CNTNAP2: variants seen among roughly 807,000 people sequenced by gnomAD.
CNTNAP2 encodes contactin associated protein 2.
A neutral mutation model predicts 155.2 loss-of-function variants in CNTNAP2; 98 were observed. That is an observed-to-expected ratio of 0.63 (90% CI 0.54 to 0.75). The LOEUF is 0.75. Among genes scored for constraint, CNTNAP2 ranks in the 30% least tolerant of loss-of-function variants. CNTNAP2 has a pLI of 0.00. For missense variants in CNTNAP2, 1,727 were observed against 1,688.1 expected (o/e 1.02, Z -0.40); for synonymous variants, 651 against 631.2 (o/e 1.03, Z -0.47).
intron 8 of CNTNAP2, among the ~76,000 whole-genome samples, chr7:147,162,859 C>A (rs1032739877): frequency 2.0e-5 from 3 of 152,200 alleles, no homozygotes; most frequent in Non-Finnish European, 4.4e-5. Context: ...TCATGTTACA[C>A]ATGCACAGTG....
intron 1 of CNTNAP2, among the ~76,000 whole-genome samples, chr7:146,416,966 C>T (rs899745316): frequency 2.0e-5 from 3 of 152,064 alleles, no homozygotes; most frequent in South Asian, 2.1e-4. Flanking sequence ...TATTATGTGA[C>T]CTTCTATCGC....
intron 1 of CNTNAP2, among the ~76,000 whole-genome samples, chr7:146,524,156 C>T (rs1797655013): frequency 6.6e-6 from 1 of 152,082 alleles, no homozygotes; most frequent in Admixed American, 6.6e-5. Flanking sequence ...CATAGACTCA[C>T]TATGTCGATG....
chr7:146,864,854 C>T lies in CNTNAP2; in HGVS notation c.402+24950C>T, dbSNP rs1231675684. The stretch of plus-strand genomic sequence containing the variant: ...AAACAAAACAGAACCTGCAGGGTGG[C>T]AGGCTCCTGTGGTCCCAGCTCAAGT... On this transcript the variant is annotated intron_variant, in intron 3 of 23. Transcript: ENST00000361727. 3.3e-5 allele frequency among the ~76,000 whole-genome samples: 5 copies of T among 151,458 alleles called. No individual in the cohort carries two copies. In the Admixed American group the frequency reaches 3.3e-4, roughly 10 times the overall value.
In CNTNAP2 at chr7:146,287,768, C is replaced by G. The variant is rs563864089; in HGVS notation, c.97+170795C>G. Among the ~76,000 whole-genome samples the G allele has an allele frequency of 5.3e-5, 8 of 152,216 alleles. No homozygotes were observed. The South Asian group carries it at 1.7e-3, about 32-fold the overall frequency. ...AATTTTCAAGTTTACTAGAATTTTGCTGCTTAAAGTTCCTGTTAATACAAG... is the reference window on the plus strand; with the variant it reads ...AATTTTCAAGTTTACTAGAATTTTGGTGCTTAAAGTTCCTGTTAATACAAG... On this transcript the variant is annotated intron_variant, in intron 1 of 23. Transcript: ENST00000361727.
At chr7:147,733,200 C>A (rs1011374006) in intron 13 of CNTNAP2, among the ~76,000 whole-genome samples, 21 of 152,214 alleles carry the variant, frequency 1.4e-4, no homozygotes, top group South Asian at 4.2e-4. Context: ...ATCTTGAATT[C>A]ATTTTTGTAT....
At chr7:148,251,132 T>C (rs1796356108) in intron 20 of CNTNAP2, among the ~76,000 whole-genome samples, 1 of 152,244 alleles carries the variant, frequency 6.6e-6, no homozygotes. Flanking sequence ...TCCACAAGAC[T>C]GGTCTCACGT....
chr7:146,303,072 A>ATGTGTG (rs60828609), intron 1 of CNTNAP2, among the ~76,000 whole-genome samples: 44 of 136,492 alleles, frequency 3.2e-4, no homozygotes, highest in Admixed American at 7.5e-4. Context: ...CTTTGTGTGC[A>ATGTGTG]TGTGTGTGTG....
intron 9 of CNTNAP2, among the ~76,000 whole-genome samples, chr7:147,344,196 T>C (rs1043998505): frequency 6.6e-6 from 1 of 152,162 alleles, no homozygotes. Flanking sequence ...AGCGCTGATT[T>C]AGAATCATCA....
chr7:146,755,845 C>G (rs1013814851), intron 1 of CNTNAP2, among the ~76,000 whole-genome samples: 2 of 151,958 alleles, frequency 1.3e-5, no homozygotes, highest in South Asian at 4.1e-4. Flanking sequence ...AGAAGAAACT[C>G]TTGTCCTGTG....
At chr7:147,061,371 C>G (rs1381084211) in intron 4 of CNTNAP2, among the ~76,000 whole-genome samples, 1 of 152,132 alleles carries the variant, frequency 6.6e-6, no homozygotes, top group Non-Finnish European at 1.5e-5. Flanking sequence ...AAAATATGTA[C>G]AAGATTTGTA....
chr7:146,426,104 T>C (rs995747890), intron 1 of CNTNAP2, among the ~76,000 whole-genome samples: 2 of 141,748 alleles, frequency 1.4e-5, no homozygotes, highest in African/African-American at 5.3e-5. Flanking sequence ...GAGAATCTTT[T>C]GAACTCGGGA....
At chr7:146,342,967 A>T (rs1305323129) in intron 1 of CNTNAP2, among the ~76,000 whole-genome samples, 3 of 152,226 alleles carry the variant, frequency 2.0e-5, no homozygotes, top group South Asian at 2.1e-4. Context: ...AGCAAGTGAA[A>T]CTGCACTGGA....
intron 3 of CNTNAP2, among the ~76,000 whole-genome samples, chr7:147,030,011 C>A (rs562189678): frequency 2.6e-5 from 4 of 152,114 alleles, no homozygotes; most frequent in Non-Finnish European, 5.9e-5. Flanking sequence ...TTAACAAATA[C>A]CTGCGAAAAG....
chr7:147,739,953 A>G (rs941207937), intron 13 of CNTNAP2, among the ~76,000 whole-genome samples: 4 of 152,164 alleles, frequency 2.6e-5, no homozygotes, highest in African/African-American at 9.7e-5. Context: ...ACATTGCCCA[A>G]GGCTGGCCAT....
At chr7:147,762,155 T>TCACACACACACACACA (rs72526174) in intron 13 of CNTNAP2, among the ~76,000 whole-genome samples, 18 of 144,348 alleles carry the variant, frequency 1.2e-4, no homozygotes, top group South Asian at 9.0e-4. Flanking sequence ...TCTCTCTGTC[T>TCACACACACACACACA]CACACACACA....
At chr7:147,690,427 T>C (rs1287260574) in intron 13 of CNTNAP2, among the ~76,000 whole-genome samples, 1 of 152,144 alleles carries the variant, frequency 6.6e-6, no homozygotes, top group Non-Finnish European at 1.5e-5. Context: ...CACTCAGCAT[T>C]ACATCAATAC....
intron 21 of CNTNAP2, among the ~76,000 whole-genome samples, chr7:148,293,949 C>G (rs900011529): frequency 7.0e-6 from 1 of 143,480 alleles, no homozygotes; most frequent in African/African-American, 2.6e-5. Context: ...GCAGGAGAAC[C>G]GCTTGAACCC....
In CNTNAP2 at chr7:147,180,160, C is replaced by T. The variant is rs141096156; in HGVS notation, c.1348+47651C>T. 1.5e-3 allele frequency among the ~76,000 whole-genome samples: 224 copies of T among 152,246 alleles called. 1 individual carries two copies. Among genetic ancestry groups the T allele is most frequent in the African/African-American group, 4.7e-3 (194 of 41,542 alleles). On this transcript the variant is annotated intron_variant, in intron 8 of 23. Transcript: ENST00000361727. ...TCTCACAAGACTCCAGCTGCCATCACCCATGTTCATTTCCTTGAAGAAATC... is the reference window on the plus strand; with the variant it reads ...TCTCACAAGACTCCAGCTGCCATCATCCATGTTCATTTCCTTGAAGAAATC...
At chr7:148,044,817 T>C (rs1046261264) in intron 15 of CNTNAP2, 2 of 152,408 alleles carry the variant, frequency 1.3e-5, no homozygotes, top group Non-Finnish European at 2.9e-5. Flanking sequence ...AGTGTATGTT[T>C]TGTTTTGGTT....
Sources: gnomAD v4.1 joint callset for allele counts (sites outside exome capture counted in the v4.1 genomes callset) on GRCh38, gnomAD v4.1.1 for gene constraint, MANE v1.5 for transcripts, NCBI Gene and HGNC (gene_info 2026-07-23, HGNC 2026-07-21) for gene names.